CLSTN3: variants seen among roughly 807,000 people sequenced by gnomAD.
CLSTN3 encodes calsyntenin-3.
In CLSTN3, 36 loss-of-function variants were observed where a neutral mutation model predicts 95.9. The ratio of observed to expected loss-of-function variants is 0.38; its 90% confidence interval spans 0.29 to 0.50. The LOEUF (loss-of-function observed/expected upper bound fraction) is 0.50. Ranked by LOEUF, CLSTN3 falls within the 20% of genes least tolerant of loss-of-function variation. The pLI, the probability that CLSTN3 is intolerant of heterozygous loss-of-function variation, is 0.95. For missense variants in CLSTN3, 1,084 were observed against 1,268.8 expected (o/e 0.85, Z 2.21); for synonymous variants, 481 against 504.0 (o/e 0.95, Z 0.61).
intron 3 of CLSTN3, among the ~76,000 whole-genome samples, chr12:7,134,952 G>A (rs781514173): frequency 3.4e-4 from 52 of 152,252 alleles, no homozygotes; most frequent in African/African-American, 1.2e-3. Context: ...TGCCCTGTGG[G>A]GTGGGGAGGA....
intron 1 of CLSTN3, chr12:7,131,686 G>T (rs970181497): frequency 9.1e-6 from 4 of 441,458 alleles, no homozygotes; most frequent in East Asian, 1.4e-4. Context: ...TGCAGAGGGC[G>T]CCCAGCCCTG....
chr12:7,149,720 C>CTG lies in CLSTN3; in HGVS notation c.2245+38_2245+39dup, dbSNP rs35042240. 0.023 allele frequency: 37,291 copies of CTG among 1,598,026 alleles called. 424 individuals are homozygous for CTG. The highest frequency in any genetic ancestry group is 0.029 in the Non-Finnish European group (33,521 of 1,169,110). On this transcript the variant is annotated intron_variant, in intron 14 of 17. Coordinates refer to ENST00000266546, the MANE Select transcript of CLSTN3 (RefSeq NM_014718.4). This position sits in a 1 kb window ranked among gnomAD's most constrained non-coding sequence, Gnocchi z 4.5. ...TCAGTGGGGCCTGAGGGCCTGTCCT[C>CTG]TGTGTGTGTGTGCCCCTCCCAAAAA... is the stretch of plus-strand genomic sequence containing the variant.
rs1269314441 is a variant in CLSTN3 at position 7,133,934 on chromosome 12, T to C, written c.383+166T>C. ...TGCTGTTCCTAGGATTTAGGGACTT[T>C]CAGGCAAGGTGACAGAAACGTATAG... On this transcript the variant is annotated intron_variant, in intron 3 of 17. Transcript: ENST00000266546. The surrounding 1 kb of genome is among the most constrained non-coding windows in gnomAD (Gnocchi z 4.7). The C allele has an allele frequency of 1.7e-6, 1 of 593,918 alleles. No individual in the cohort carries two copies. The allele number at this position is 593,918 out of a possible 1,614,324, so 36.8% of individuals were successfully genotyped here. A position where few individuals can be genotyped will look rare whatever the true frequency, so the allele number is the denominator to read the frequency against.
chr12:7,149,861 G>T lies in CLSTN3; in HGVS notation c.2245+168G>T, dbSNP rs1014587318. On this transcript the variant is annotated intron_variant, in intron 14 of 17. Transcript: ENST00000266546. The surrounding 1 kb of genome is among the most constrained non-coding windows in gnomAD (Gnocchi z 4.5). ...CTGGCTTTGATTGTCCCTAGGGAAGGTGTGCTGGGTTTAGGCTCCGAATGC... is the reference window on the plus strand; with the variant it reads ...CTGGCTTTGATTGTCCCTAGGGAAGTTGTGCTGGGTTTAGGCTCCGAATGC... Among the ~76,000 whole-genome samples the T allele has an allele frequency of 6.6e-6, 1 of 152,176 alleles. No homozygotes were observed. Among genetic ancestry groups the T allele is most frequent in the Non-Finnish European group, 1.5e-5 (1 of 68,032 alleles).
At chr12:7,156,836 CAG>C (rs1254693543) in intron 16 of CLSTN3, 2 of 455,674 alleles carry the variant, frequency 4.4e-6, no homozygotes, top group African/African-American at 4.0e-5. Context: ...AGGTATGCCT[CAG>C]GGGGAGATGT....
upstream of CLSTN3, chr12:7,130,071 C>T (rs1939250871): frequency 4.9e-6 from 1 of 203,160 alleles, no homozygotes; most frequent in South Asian, 6.9e-5. Flanking sequence ...GGTGCCACCC[C>T]TCCTGGCCGC....
In CLSTN3 at chr12:7,156,332, C is replaced by T. The variant is rs192512191; in HGVS notation, c.2528-1157C>T. The T allele has an allele frequency of 2.0e-3, 936 of 457,106 alleles. 12 individuals are homozygous for T. Among genetic ancestry groups the T allele is most frequent in the African/African-American group, 0.016 (805 of 50,176 alleles). 28.3% of individuals were successfully genotyped at this position (457,106 alleles called of 1,614,324 possible). A position where few individuals can be genotyped will look rare whatever the true frequency, so the allele number is the denominator to read the frequency against. On this transcript the variant is annotated intron_variant, in intron 16 of 17. Transcript: ENST00000266546. ...CCTGCTTTTCTTCCTTGTGCTTCTTCGAGAGCTGTGTGTGTGTGTGCAGGA... is the reference window on the plus strand; with the variant it reads ...CCTGCTTTTCTTCCTTGTGCTTCTTTGAGAGCTGTGTGTGTGTGTGCAGGA...
chr12:7,137,875 C>G lies in CLSTN3; in HGVS notation c.1211-80C>G. On this transcript the variant is annotated intron_variant, in intron 7 of 17. Transcript: ENST00000266546. The surrounding 1 kb of genome is among the most constrained non-coding windows in gnomAD (Gnocchi z 4.4). ...ATGAGAGAGGATTAAGAGAATCCAA[C>G]ATCCTCTCCTTCCTGCTGCTTTGAA... is the stretch of plus-strand genomic sequence containing the variant. 1 of 945,272 alleles carries G rather than the reference C, an allele frequency of 1.1e-6. No individual in the cohort carries two copies. The highest frequency in any genetic ancestry group is 1.7e-6 in the Non-Finnish European group (1 of 605,242). 58.6% of individuals were successfully genotyped at this position (945,272 alleles called of 1,614,324 possible). A position where few individuals can be genotyped will look rare whatever the true frequency, so the allele number is the denominator to read the frequency against.
chr12:7,154,557 T>G (rs1939784356), intron 16 of CLSTN3, among the ~76,000 whole-genome samples: 1 of 152,170 alleles, frequency 6.6e-6, no homozygotes, highest in Non-Finnish European at 1.5e-5. Context: ...GCAAGCCGGA[T>G]GATGAGGGTA....
intron 10 of CLSTN3, 39 bp downstream of exon 10, chr12:7,142,178 A>C: frequency 6.7e-5 from 103 of 1,535,510 alleles, no homozygotes; most frequent in Non-Finnish European, 8.1e-5. Flanking sequence ...GAGAGTTCTC[A>C]TCTTCACTTT....
chr12:7,147,899 A>G (rs1939649047), intron 12 of CLSTN3, among the ~76,000 whole-genome samples: 2 of 152,144 alleles, frequency 1.3e-5, no homozygotes, highest in African/African-American at 4.8e-5. Flanking sequence ...TCACGCCTGT[A>G]ATCCCAGCAC....
rs745401266 is a variant in CLSTN3 at position 7,135,476 on chromosome 12, G to T, written c.533G>T (p.Ser178Ile). ...GACGGTGACTGCTCCCCCCAGTACA[G>T]CCAGATCTGCTACTATGAGATTCTC... is the stretch of plus-strand genomic sequence containing the variant. ...AIDGDCSPQY[S>I]QICYYEILTP... is the part of the protein sequence containing the mutation. The change falls in exon 4 of 18, where the codon AGC becomes ATC. Residue 178 changes from serine to isoleucine, a missense_variant. Physicochemically the swap from Ser to Ile is moderately radical, Grantham distance 142 (BLOSUM62 -2). Transcript: ENST00000266546. 5 of 1,613,972 alleles carry T rather than the reference G, an allele frequency of 3.1e-6. No individual in the cohort carries two copies. The highest frequency in any genetic ancestry group is 4.2e-6 in the Non-Finnish European group (5 of 1,180,010).
chr12:7,133,236 G>A lies in CLSTN3; in HGVS notation c.187+90G>A. 6.6e-7 allele frequency: 1 copy of A among 1,515,152 alleles called. No individual in the cohort carries two copies. The highest frequency in any genetic ancestry group is 9.0e-7 in the Non-Finnish European group (1 of 1,107,408). The allele number at this position is 1,515,152 out of a possible 1,614,324, so 93.9% of individuals were successfully genotyped here. ...GCAAGGGAGGGAGGGAAGGTCCTGG[G>A]AGTGATGAGAAAGTAAGGGAAGATA... On this transcript the variant is annotated intron_variant, in intron 2 of 17. Transcript: ENST00000266546. This position sits in a 1 kb window ranked among gnomAD's most constrained non-coding sequence, Gnocchi z 4.7.
Position 7,143,218 on chromosome 12 carries a change from C to A in CLSTN3, c.1754C>A (p.Thr585Asn), listed in dbSNP as rs138370117. The change falls in exon 12 of 18, where the codon ACC becomes AAC. Residue 585 changes from threonine (T) to asparagine (N), a missense_variant. Thr to Asn is a moderately conservative substitution (Grantham distance 65, BLOSUM62 0). Coordinates refer to ENST00000266546, the MANE Select transcript of CLSTN3 (RefSeq NM_014718.4). ...LLTLEGDDVE[T>N]FNHALQHVAY... ...ACCCTGGAGGGGGATGATGTGGAGACCTTCAACCATGCCCTGCAGCATGTG... is the reference window on the plus strand; with the variant it reads ...ACCCTGGAGGGGGATGATGTGGAGAACTTCAACCATGCCCTGCAGCATGTG... 4.2e-4 allele frequency: 676 copies of A among 1,614,132 alleles called. 1 individual carries two copies. Among genetic ancestry groups the A allele is most frequent in the South Asian group, 6.4e-4 (58 of 91,088 alleles).
At chr12:7,152,832 A>G (rs1020153600) in intron 16 of CLSTN3, among the ~76,000 whole-genome samples, 1 of 152,250 alleles carries the variant, frequency 6.6e-6, no homozygotes, top group African/African-American at 2.4e-5. Flanking sequence ...TCACGCAGCT[A>G]GAAAGTAAGT....
At position 7,158,882 on chromosome 12, in the gene CLSTN3, G is replaced by C. The variant is rs1474593618; in HGVS notation, c.*801G>C. 1 of 150,892 alleles carries C rather than the reference G, an allele frequency of 6.6e-6. No individual in the cohort carries two copies. The highest frequency in any genetic ancestry group is 1.5e-5 in the Non-Finnish European group (1 of 67,802). 9.3% of individuals were successfully genotyped at this position (150,892 alleles called of 1,614,324 possible). A position where few individuals can be genotyped will look rare whatever the true frequency, so the allele number is the denominator to read the frequency against. ...GTCCTGGGGCAGGGGCGGGGGGTTG[G>C]GTGTGGTGAGGGAGGGGACATATCC... On this transcript the variant is annotated 3_prime_UTR_variant, in exon 18 of 18. Transcript: ENST00000266546.
At chr12:7,134,749 G>GA (rs1939371434) in intron 3 of CLSTN3, among the ~76,000 whole-genome samples, 3 of 152,320 alleles carry the variant, frequency 2.0e-5, no homozygotes, top group African/African-American at 7.2e-5. Flanking sequence ...CTGTTGTGAA[G>GA]GAAGGCCCTG....
chr12:7,148,762 C>T (rs756615820), intron 12 of CLSTN3, among the ~76,000 whole-genome samples: 6 of 152,212 alleles, frequency 3.9e-5, no homozygotes, highest in Non-Finnish European at 7.3e-5. Context: ...CGACATTTTC[C>T]TTGGTGACAT....
Position 7,133,806 on chromosome 12 carries a change from G to T in CLSTN3, c.383+38G>T, listed in dbSNP as rs745956586. The T allele has an allele frequency of 3.3e-6, 5 of 1,501,060 alleles. No individual in the cohort carries two copies. The highest frequency in any genetic ancestry group is 8.9e-7 in the Non-Finnish European group (1 of 1,117,574). 93.0% of individuals were successfully genotyped at this position (1,501,060 alleles called of 1,614,324 possible). The stretch of plus-strand genomic sequence containing the variant: ...TTGTCTCCTGCCCCATGTGTTGCAG[G>T]GTCCTCCTCCCTGCTCCCAAGCCCA... On this transcript the variant is annotated intron_variant, in intron 3 of 17. Coordinates refer to ENST00000266546, the MANE Select transcript of CLSTN3 (RefSeq NM_014718.4). The surrounding 1 kb of genome is among the most constrained non-coding windows in gnomAD (Gnocchi z 4.7).
Sources: gnomAD v4.1 joint callset for allele counts (sites outside exome capture counted in the v4.1 genomes callset) on GRCh38, gnomAD v4.1.1 for gene constraint, Gnocchi (gnomAD v3.1) non-coding constraint, MANE v1.5 for transcripts, NCBI Gene and HGNC (gene_info 2026-07-23, HGNC 2026-07-21) for gene names.